ACCSL: variants seen among roughly 807,000 people sequenced by gnomAD.
The protein encoded by ACCSL is probable inactive 1-aminocyclopropane-1-carboxylate synthase-like protein 2.
Under a neutral mutation model 61.7 loss-of-function variants are expected in ACCSL, and 55 were observed. The ratio of observed to expected loss-of-function variants is 0.89; its 90% CI spans 0.72 to 1.12. The LOEUF is 1.12. ACCSL is among the 50% of genes most tolerant of loss of function. The pLI, the probability that ACCSL is intolerant of heterozygous loss-of-function variation, is 0.00. For missense variants in ACCSL, 632 were observed against 698.0 expected (o/e 0.91, Z 1.07); for synonymous variants, 258 against 264.3 (o/e 0.98, Z 0.23).
upstream of ACCSL, among the ~76,000 whole-genome samples, chr11:44,046,837 C>G (rs1356418984): frequency 6.6e-6 from 1 of 152,138 alleles, no homozygotes; most frequent in African/African-American, 2.4e-5. Context: ...TTCCTACCTT[C>G]TGGGATCTTG....
the ACCSL span, among the ~76,000 whole-genome samples, chr11:43,924,253 C>T: frequency 2.6e-5 from 4 of 152,268 alleles, no homozygotes; most frequent in Non-Finnish European, 4.4e-5. Context: ...CTGGTGTCCG[C>T]AGTGGTCTGG....
rs758635417 is a variant in ACCSL, at chr11:44,052,682, C to G, written c.793C>G (p.Pro265Ala). The stretch of plus-strand genomic sequence containing the variant: ...TCCAGAGGCCTTCCTGGTCCCTGCT[C>G]CCTTCTATGGTGGCTTTGCCTTTAG... ...DPGEAFLVPA[P>A]FYGGFAFSSR... The change falls in exon 6 of 14, where the codon CCC becomes GCC. Residue 265 changes from proline (P) to alanine (A), a missense_variant. By Grantham distance (27) the Pro-to-Ala change is conservative. Transcript: ENST00000378832. 8.7e-6 allele frequency: 14 copies of G among 1,614,164 alleles called. No homozygotes were observed. The highest frequency in any genetic ancestry group is 1.1e-5 in the Non-Finnish European group (13 of 1,180,018).
chr11:44,053,041 G>A lies in ACCSL; in HGVS notation c.921G>A (p.Glu307=). 6.2e-7 allele frequency: 1 copy of A among 1,614,142 alleles called. No individual in the cohort carries two copies. Among genetic ancestry groups the A allele is most frequent in the Non-Finnish European group, 8.5e-7 (1 of 1,180,000 alleles). Residue 307 remains glutamate, a synonymous_variant, in exon 7 of 14, where the codon GAG becomes GAA. Transcript: ENST00000378832. ...TCCAGCTCACTGTGGACAAGTTAGA[G>A]GAAGCCCTGCTTGAAGCTAGGCTTG... ...HPFQLTVDKL[E]EALLEARLEG... is the part of the protein sequence containing the mutation.
Position 44,052,692 on chromosome 11 carries a change from G to A in ACCSL, c.803G>A (p.Gly268Asp), listed in dbSNP as rs751858410. ...TTCCTGGTCCCTGCTCCCTTCTATG[G>A]TGGCTTTGCCTTTAGCTCCCGCCTG... Reference protein sequence around the residue: ...EAFLVPAPFYGGFAFSSRLYA... With the variant: ...EAFLVPAPFYDGFAFSSRLYA... Residue 268 changes from glycine to aspartate, a missense_variant, in exon 6 of 14, where the codon GGT becomes GAT. Transcript: ENST00000378832. The A allele has an allele frequency of 1.2e-6, 2 of 1,614,114 alleles. No homozygotes were observed. The highest frequency in any genetic ancestry group is 2.2e-5 in the South Asian group (2 of 91,068).
At chr11:43,970,901 A>G in the ACCSL span, among the ~76,000 whole-genome samples, 19 of 152,202 alleles carry the variant, frequency 1.2e-4, no homozygotes, top group Admixed American at 1.2e-3. Flanking sequence ...CTCACTGCCA[A>G]TCCTAGTTGC....
the ACCSL span, among the ~76,000 whole-genome samples, chr11:44,027,049 A>G: frequency 6.6e-6 from 1 of 152,150 alleles, no homozygotes; most frequent in African/African-American, 2.4e-5. Context: ...TAAAGTCTAT[A>G]TTCTTTATCA....
At chr11:43,925,618 A>G in the ACCSL span, 53 of 372,698 alleles carry the variant, frequency 1.4e-4, no homozygotes, top group African/African-American at 1.1e-3. Context: ...TACTGCCTGC[A>G]AGGGTAGAAC....
At chr11:43,921,658 CTCTT>C in the ACCSL span, among the ~76,000 whole-genome samples, 1 of 152,278 alleles carries the variant, frequency 6.6e-6, no homozygotes, top group South Asian at 2.1e-4. Context: ...TCCAGCGTCC[CTCTT>C]TCTTAATGGA....
the ACCSL span, among the ~76,000 whole-genome samples, chr11:43,934,267 C>T: frequency 2.0e-5 from 3 of 152,312 alleles, no homozygotes; most frequent in East Asian, 5.8e-4. Context: ...CTGAGTAAGG[C>T]TGAAGCAGTT....
chr11:44,052,990 G>A lies in ACCSL; in HGVS notation c.871-1G>A. 2 of 1,613,650 alleles carry A rather than the reference G, an allele frequency of 1.2e-6. No homozygotes were observed. The highest frequency in any genetic ancestry group is 1.7e-6 in the Non-Finnish European group (2 of 1,179,584). ...CTTCTCACATAGTGTTTCTCTTCCA[G>A]GTCACTGTTACAAACACCCATCCTT... On this transcript the variant is annotated splice_acceptor_variant, in intron 6 of 13. Transcript: ENST00000378832. LOFTEE classifies it high-confidence loss of function.
chr11:43,982,526 C>T, the ACCSL span, among the ~76,000 whole-genome samples: 1 of 152,092 alleles, frequency 6.6e-6, no homozygotes, highest in African/African-American at 2.4e-5. Context: ...CTGTTTCTAA[C>T]CTTTTCTCAC....
At chr11:43,972,287 T>G in the ACCSL span, among the ~76,000 whole-genome samples, 1 of 152,166 alleles carries the variant, frequency 6.6e-6, no homozygotes, top group Non-Finnish European at 1.5e-5. Flanking sequence ...CCTAGACCAG[T>G]GTTCACACCA....
rs1482935600 is a variant in ACCSL, at chr11:44,055,214, T to C, written c.1062T>C (p.His354=). 1.9e-6 allele frequency: 3 copies of C among 1,609,492 alleles called. No individual in the cohort carries two copies. The highest frequency in any genetic ancestry group is 2.6e-6 in the Non-Finnish European group (3 of 1,176,282). Residue 354 remains histidine, a synonymous_variant, in exon 9 of 14, where the codon CAT becomes CAC. Transcript: ENST00000378832. ...ATCTAATCTACAGGTATAACCTACA[T>C]GTGATCATAGATGAGATTTACATGC... The part of the protein sequence containing the change: ...YLEFAKRYNL[H]VIIDEIYMLS...
the ACCSL span, among the ~76,000 whole-genome samples, chr11:43,952,246 T>A: frequency 6.6e-6 from 1 of 152,180 alleles, no homozygotes; most frequent in Non-Finnish European, 1.5e-5. Flanking sequence ...TCAAGTAGGT[T>A]CCTGTGTCTG....
the ACCSL span, among the ~76,000 whole-genome samples, chr11:44,023,493 T>C: frequency 2.6e-5 from 4 of 152,152 alleles, no homozygotes; most frequent in African/African-American, 7.2e-5. Flanking sequence ...TGATTGGTAC[T>C]CATGTCCTCC....
At chr11:43,972,084 CACTCAATAAAT>C in the ACCSL span, among the ~76,000 whole-genome samples, 105 of 152,332 alleles carry the variant, frequency 6.9e-4, 1 homozygote, top group African/African-American at 2.3e-3. Flanking sequence ...ATACAATGGG[CACTCAATAAAT>C]ACTTGTCAAC....
the ACCSL span, among the ~76,000 whole-genome samples, chr11:43,931,289 T>C: frequency 9.9e-5 from 15 of 151,818 alleles, no homozygotes; most frequent in African/African-American, 3.4e-4. Flanking sequence ...CATCACAGAG[T>C]AGGTTTGGGT....
chr11:44,058,768 A>AC, intron 13 of ACCSL, 69 bp downstream of exon 13: 5 of 1,515,256 alleles, frequency 3.3e-6, no homozygotes, highest in Non-Finnish European at 2.7e-6. Flanking sequence ...CTTCTCCCCC[A>AC]CCCCCCTTAA....
the ACCSL span, among the ~76,000 whole-genome samples, chr11:43,960,146 AG>A: frequency 6.6e-6 from 1 of 152,116 alleles, no homozygotes. Flanking sequence ...GCTGGCACCC[AG>A]GAGACTGCTA....
Sources: gnomAD v4.1 joint callset for allele counts (sites outside exome capture counted in the v4.1 genomes callset) on GRCh38, gnomAD v4.1.1 for gene constraint, MANE v1.5 for transcripts, NCBI Gene and HGNC (gene_info 2026-07-23, HGNC 2026-07-21) for gene names.